Variants in MAP2K5 observed in about 807,000 individuals in gnomAD.
The protein encoded by MAP2K5 is dual specificity mitogen-activated protein kinase kinase 5.
A neutral mutation model predicts 83.1 loss-of-function variants in MAP2K5; 49 were observed. The ratio of observed to expected loss-of-function variants is 0.59; its 90% CI spans 0.47 to 0.75. The LOEUF is 0.75. Ranked by LOEUF, MAP2K5 falls within the 30% of genes least tolerant of loss-of-function variation. The pLI is 0.00. For synonymous variants in MAP2K5, 202 were observed against 191.8 expected, an observed-to-expected ratio of 1.05 and a Z score of -0.44; for missense variants, 457 against 557.5, an observed-to-expected ratio of 0.82 and a Z score of 1.82.
rs886995566 is a variant in MAP2K5 at position 67,563,269 on chromosome 15, G to A, written c.185-14G>A. 6 of 1,606,448 alleles carry A rather than the reference G, an allele frequency of 3.7e-6. No individual in the cohort carries two copies. In the Admixed American group the frequency reaches 5.1e-5, roughly 14 times the overall value. On this transcript the variant is annotated splice_polypyrimidine_tract_variant and intron_variant, in intron 2 of 21. Coordinates refer to ENST00000178640, the MANE Select transcript of MAP2K5 (RefSeq NM_145160.3). The surrounding 1 kb of genome is among the most constrained non-coding windows in gnomAD (Gnocchi z 4.5). ...ATGCACACCTTATCATTTGCATTAT[G>A]TGCTTTTAAACAGATGAAGATGAAG...
chr15:67,711,040 C>T (rs1596835707), intron 16 of MAP2K5, among the ~76,000 whole-genome samples: 1 of 152,356 alleles, frequency 6.6e-6, no homozygotes, highest in South Asian at 2.1e-4. Context: ...TCACCTGCAT[C>T]TTCCTTGTGG....
Position 67,783,159 on chromosome 15 carries a change from C to G in MAP2K5, c.1242+10407C>G, listed in dbSNP as rs886314663. On this transcript the variant is annotated intron_variant, in intron 21 of 21. Coordinates refer to ENST00000178640, the MANE Select transcript of MAP2K5 (RefSeq NM_145160.3). The surrounding 1 kb of genome is among the most constrained non-coding windows in gnomAD (Gnocchi z 5.1). The stretch of plus-strand genomic sequence containing the variant: ...TTTATGTCTTAGCATCTGCTCTGTG[C>G]CCAGCATCCTGCCTGACACCGAGGA... Among the ~76,000 whole-genome samples, 1 of 152,202 alleles carries G rather than the reference C, an allele frequency of 6.6e-6. No individual in the cohort carries two copies. The highest frequency in any genetic ancestry group is 2.4e-5 in the African/African-American group (1 of 41,440).
In MAP2K5 at chr15:67,794,638, GAAA is replaced by G. The variant is rs61493121; in HGVS notation, c.1243-11991_1243-11989del. 1.9e-3 allele frequency among the ~76,000 whole-genome samples: 216 copies of G among 116,482 alleles called. 1 individual carries two copies. Among genetic ancestry groups the G allele is most frequent in the East Asian group, 0.012 (51 of 4,176 alleles). 76.4% of individuals were successfully genotyped at this position (116,482 alleles called of 152,430 possible). A position where few individuals can be genotyped will look rare whatever the true frequency, so the allele number is the denominator to read the frequency against. On this transcript the variant is annotated intron_variant, in intron 21 of 21. Coordinates refer to ENST00000178640, the MANE Select transcript of MAP2K5 (RefSeq NM_145160.3). This position sits in a 1 kb window ranked among gnomAD's most constrained non-coding sequence, Gnocchi z 4.6. ...CGGGTAACTCTGGAACATCACAGCT[GAAA>G]AAAAAAAAAAAAAAAAGACGGTACT... is the stretch of plus-strand genomic sequence containing the variant.
intron 3 of MAP2K5, among the ~76,000 whole-genome samples, chr15:67,574,021 A>C (rs2085001370): frequency 6.6e-6 from 1 of 152,032 alleles, no homozygotes; most frequent in African/African-American, 2.4e-5. Flanking sequence ...TTATTCCTTT[A>C]CTTTCTTAAT....
At chr15:67,574,388 A>G (rs2085010582) in intron 3 of MAP2K5, among the ~76,000 whole-genome samples, 1 of 151,846 alleles carries the variant, frequency 6.6e-6, no homozygotes, top group Non-Finnish European at 1.5e-5. Flanking sequence ...CTTGGCCAAC[A>G]TGGTGAAACC....
chr15:67,666,910 A>T (rs1328196964), intron 13 of MAP2K5, among the ~76,000 whole-genome samples: 1 of 152,198 alleles, frequency 6.6e-6, no homozygotes, highest in African/African-American at 2.4e-5. Flanking sequence ...ATGAACAGTT[A>T]TGTCCCAGTA....
chr15:67,543,431 A>G lies in MAP2K5; in HGVS notation c.96A>G (p.Thr32=), dbSNP rs372555299. 5.0e-6 allele frequency: 8 copies of G among 1,614,016 alleles called. No homozygotes were observed. Among genetic ancestry groups the G allele is most frequent in the Middle Eastern group, 1.6e-4 (1 of 6,084 alleles). Residue 32 remains threonine, a synonymous_variant, in exon 1 of 22, where the codon ACA becomes ACG. Coordinates refer to ENST00000178640, the MANE Select transcript of MAP2K5 (RefSeq NM_145160.3). This position sits in a 1 kb window ranked among gnomAD's most constrained non-coding sequence, Gnocchi z 4.3. Reference sequence around the variant, plus strand: ...CAAATAGTGGCGCGGTGGACTGGACAGTGCACTCCGGGCCGCAGTTACTCT... The same window carrying G: ...CAAATAGTGGCGCGGTGGACTGGACGGTGCACTCCGGGCCGCAGTTACTCT... ...KIPNSGAVDW[T]VHSGPQLLFR...
At chr15:67,729,821 C>T (rs540124906) in intron 17 of MAP2K5, among the ~76,000 whole-genome samples, 6 of 152,238 alleles carry the variant, frequency 3.9e-5, no homozygotes, top group East Asian at 3.9e-4. Flanking sequence ...CACATGAAAG[C>T]TGTGGTCAAA....
chr15:67,674,698 G>A (rs773150866), intron 13 of MAP2K5, among the ~76,000 whole-genome samples: 2 of 152,170 alleles, frequency 1.3e-5, no homozygotes, highest in South Asian at 2.1e-4. Context: ...TGTCTTAAAA[G>A]TATTCTTTTA....
intron 19 of MAP2K5, among the ~76,000 whole-genome samples, chr15:67,751,835 C>G (rs1469662674): frequency 6.6e-6 from 1 of 152,098 alleles, no homozygotes; most frequent in Non-Finnish European, 1.5e-5. Flanking sequence ...ACCATTTTGC[C>G]AGAGTGTTTG....
intron 1 of MAP2K5, chr15:67,549,098 G>A (rs1364290568): frequency 2.0e-5 from 30 of 1,533,400 alleles, no homozygotes; most frequent in Non-Finnish European, 8.7e-7. Context: ...CCTGGTGCCA[G>A]TTCTGCTGCA....
intron 15 of MAP2K5, among the ~76,000 whole-genome samples, chr15:67,701,770 A>C (rs12905509): frequency 2.0e-5 from 3 of 152,002 alleles, no homozygotes; most frequent in Admixed American, 2.0e-4. Context: ...TGAGCACCTC[A>C]GGCAGTTCTG....
chr15:67,624,640 A>T lies in MAP2K5; in HGVS notation c.546-6248A>T, dbSNP rs1055228176. On this transcript the variant is annotated intron_variant, in intron 8 of 21. Transcript: ENST00000178640. ...GTGTGTGTGTGTGTGTGTGTGTGTG[A>T]GTGTGTTTGACGGAGTTTCGCTCTT... 9.4e-4 allele frequency among the ~76,000 whole-genome samples: 98 copies of T among 104,382 alleles called. 1 individual carries two copies. The highest frequency in any genetic ancestry group is 6.3e-3 in the East Asian group (23 of 3,660). The allele number at this position is 104,382 out of a possible 152,430, so 68.5% of individuals were successfully genotyped here. A position where few individuals can be genotyped will look rare whatever the true frequency, so the allele number is the denominator to read the frequency against.
chr15:67,606,601 G>T (rs2085782827), intron 8 of MAP2K5, among the ~76,000 whole-genome samples: 1 of 152,114 alleles, frequency 6.6e-6, no homozygotes, highest in Non-Finnish European at 1.5e-5. Flanking sequence ...AGTGGGCTGG[G>T]GATGGTCCTT....
At chr15:67,551,041 G>A (rs1180374183) in intron 2 of MAP2K5, among the ~76,000 whole-genome samples, 1 of 152,034 alleles carries the variant, frequency 6.6e-6, no homozygotes, top group Non-Finnish European at 1.5e-5. Flanking sequence ...CAAAGTGCTG[G>A]GATTATAAGT....
intron 3 of MAP2K5, among the ~76,000 whole-genome samples, chr15:67,569,799 G>C (rs1316369447): frequency 6.6e-6 from 1 of 152,208 alleles, no homozygotes; most frequent in Non-Finnish European, 1.5e-5. Flanking sequence ...CCAACATTTT[G>C]TCATTTATAT....
intron 15 of MAP2K5, among the ~76,000 whole-genome samples, chr15:67,695,888 C>T (rs2088239950): frequency 6.6e-6 from 1 of 152,092 alleles, no homozygotes. Flanking sequence ...TGAGTGAATT[C>T]TAGTCGTCAG....
chr15:67,769,769 A>AG lies in MAP2K5; in HGVS notation c.1196+108dup. On this transcript the variant is annotated intron_variant, in intron 20 of 21. Transcript: ENST00000178640. This position sits in a 1 kb window ranked among gnomAD's most constrained non-coding sequence, Gnocchi z 5.2. ...GCTCTCCCTGCATCCTTTTGGAGAC[A>AG]GGAGGGACTTCGGGGCCTTGGGCAG... 8.8e-7 allele frequency: 1 copy of AG among 1,136,488 alleles called. No individual in the cohort carries two copies. The highest frequency in any genetic ancestry group is 1.3e-6 in the Non-Finnish European group (1 of 768,236). 70.4% of individuals were successfully genotyped at this position (1,136,488 alleles called of 1,614,324 possible). A position where few individuals can be genotyped will look rare whatever the true frequency, so the allele number is the denominator to read the frequency against.
In MAP2K5 at chr15:67,561,401, A is replaced by G. The variant is rs1029909654; in HGVS notation, c.185-1882A>G. Among the ~76,000 whole-genome samples the G allele has an allele frequency of 6.6e-6, 1 of 152,160 alleles. No individual in the cohort carries two copies. Among genetic ancestry groups the G allele is most frequent in the Non-Finnish European group, 1.5e-5 (1 of 68,034 alleles). On this transcript the variant is annotated intron_variant, in intron 2 of 21. Coordinates refer to ENST00000178640, the MANE Select transcript of MAP2K5 (RefSeq NM_145160.3). The surrounding 1 kb of genome is among the most constrained non-coding windows in gnomAD (Gnocchi z 4.2). ...CATTTCTCCCCCAATTTGGCTCTAG[A>G]GATTCTATATCTAAAGCGAATGAAA...
Sources: allele counts gnomAD v4.1 joint callset (sites outside exome capture counted in the v4.1 genomes callset), GRCh38; gene constraint gnomAD v4.1.1; non-coding constraint Gnocchi (gnomAD v3.1); transcripts MANE v1.5; gene names NCBI Gene and HGNC (gene_info 2026-07-23, HGNC 2026-07-21).